The following RARB variants were observed in gnomAD, a reference collection of about 807,000 sequenced individuals.
RARB encodes the protein HBV-activated protein.
A neutral mutation model predicts 51.9 loss-of-function variants in RARB; 17 were observed. The ratio of observed to expected loss-of-function variants is 0.33; its 90% CI spans 0.22 to 0.49. The LOEUF (loss-of-function observed/expected upper bound fraction) is 0.49, where lower values mean the gene tolerates loss of function less well. RARB is among the 20% of genes least tolerant of loss of function. RARB has a pLI of 0.99. For synonymous variants in RARB, 215 were observed against 195.4 expected, an observed-to-expected ratio of 1.10 and a Z score of -0.84; for missense variants, 369 against 550.8, an observed-to-expected ratio of 0.67 and a Z score of 3.30.
At chr3:25,509,818 G>GC (rs1697799034) in intron 3 of RARB, among the ~76,000 whole-genome samples, 1 of 152,074 alleles carries the variant, frequency 6.6e-6, no homozygotes, top group Non-Finnish European at 1.5e-5. Flanking sequence ...AGACAAAGTT[G>GC]CCCTTCCCCT....
intron 3 of RARB, among the ~76,000 whole-genome samples, chr3:25,094,825 C>G (rs539015445): frequency 6.6e-6 from 1 of 151,416 alleles, no homozygotes; most frequent in African/African-American, 2.4e-5. Context: ...TTGTCTTGTG[C>G]CAAAGCTCTG....
At chr3:25,384,793 T>C (rs1249847371) in intron 5 of RARB, among the ~76,000 whole-genome samples, 1 of 152,214 alleles carries the variant, frequency 6.6e-6, no homozygotes, top group African/African-American at 2.4e-5. Flanking sequence ...TCCAACCTTC[T>C]TTATGCTTTC....
chr3:25,230,007 T>C (rs907514475), intron 5 of RARB, among the ~76,000 whole-genome samples: 5 of 152,088 alleles, frequency 3.3e-5, no homozygotes, highest in African/African-American at 1.2e-4. Context: ...TGAGTAAATA[T>C]ATTATGAATG....
chr3:25,018,060 T>C (rs1251392224), intron 2 of RARB, among the ~76,000 whole-genome samples: 5 of 152,194 alleles, frequency 3.3e-5, no homozygotes, highest in East Asian at 3.9e-4. Context: ...AAATTTGTTA[T>C]TTATAATCAC....
At chr3:25,463,521 G>T (rs1364470141) in intron 2 of RARB, among the ~76,000 whole-genome samples, 2 of 152,034 alleles carry the variant, frequency 1.3e-5, no homozygotes, top group Admixed American at 6.6e-5. Flanking sequence ...AAATTAGCTG[G>T]GTGTGGTGGC....
At chr3:25,404,998 G>A (rs1454289900) in intron 5 of RARB, among the ~76,000 whole-genome samples, 8 of 152,032 alleles carry the variant, frequency 5.3e-5, no homozygotes, top group Admixed American at 5.2e-4. Flanking sequence ...AAAGAGAAAT[G>A]CCAGGAATAT....
intron 5 of RARB, among the ~76,000 whole-genome samples, chr3:25,205,015 C>T (rs1340163374): frequency 6.6e-6 from 1 of 152,150 alleles, no homozygotes; most frequent in Non-Finnish European, 1.5e-5. Context: ...TATGCCTTGC[C>T]CCCAGAGGTG....
intron 4 of RARB, among the ~76,000 whole-genome samples, chr3:25,152,767 A>G (rs1700310930): frequency 6.6e-6 from 1 of 152,182 alleles, no homozygotes; most frequent in Non-Finnish European, 1.5e-5. Flanking sequence ...GGCAGCTGAC[A>G]TTTTATGGGA....
At chr3:25,182,903 C>T (rs975745695) in intron 5 of RARB, among the ~76,000 whole-genome samples, 3 of 152,008 alleles carry the variant, frequency 2.0e-5, no homozygotes, top group African/African-American at 4.8e-5. Flanking sequence ...GAGATAGAGA[C>T]ACATGTGAAG....
At chr3:25,304,799 A>G (rs1177833317) in intron 5 of RARB, among the ~76,000 whole-genome samples, 1 of 152,158 alleles carries the variant, frequency 6.6e-6, no homozygotes, top group Non-Finnish European at 1.5e-5. Flanking sequence ...GTCCCTCCCT[A>G]TTCAAAGCTC....
At chr3:25,236,719 A>T (rs1227959654) in intron 5 of RARB, among the ~76,000 whole-genome samples, 2 of 152,074 alleles carry the variant, frequency 1.3e-5, no homozygotes, top group Admixed American at 1.3e-4. Flanking sequence ...GCTGCTGTTT[A>T]TTTAGCATTT....
chr3:25,182,638 A>G (rs1700885040), intron 5 of RARB, among the ~76,000 whole-genome samples: 1 of 152,202 alleles, frequency 6.6e-6, no homozygotes, highest in East Asian at 1.9e-4. Context: ...GGGTAAATCC[A>G]TGAGAATGAT....
At chr3:25,296,335 AC>A (rs1435611082) in intron 5 of RARB, among the ~76,000 whole-genome samples, 1 of 152,148 alleles carries the variant, frequency 6.6e-6, no homozygotes, top group African/African-American at 2.4e-5. Flanking sequence ...GGAAGTTCCT[AC>A]TTAGAGGAAA....
At position 25,275,155 on chromosome 3, in the gene RARB, C is replaced by T. The variant is rs143601760; in HGVS notation, c.178+100580C>T. Reference sequence around the variant, plus strand: ...GACCACATCATACCCACAGACTCTCCGTGAGCACCTCTTAACCCAAGTCTG... The same window carrying T: ...GACCACATCATACCCACAGACTCTCTGTGAGCACCTCTTAACCCAAGTCTG... On this transcript the variant is annotated intron_variant, in intron 5 of 11. Coordinates refer to the RARB transcript ENST00000383772. 1.5e-4 allele frequency among the ~76,000 whole-genome samples: 23 copies of T among 152,286 alleles called. No individual in the cohort carries two copies. The East Asian group carries it at 3.7e-3, about 24-fold the overall frequency.
intron 5 of RARB, among the ~76,000 whole-genome samples, chr3:25,313,244 C>T (rs1180921686): frequency 6.6e-6 from 1 of 152,104 alleles, no homozygotes; most frequent in Non-Finnish European, 1.5e-5. Flanking sequence ...CTGGCTACTC[C>T]AATCAAATGT....
intron 2 of RARB, among the ~76,000 whole-genome samples, chr3:24,907,089 G>A (rs532415104): frequency 6.6e-5 from 10 of 152,170 alleles, no homozygotes; most frequent in African/African-American, 2.4e-4. Flanking sequence ...TATTTATGGA[G>A]CACCCCCCAT....
At chr3:25,051,485 G>C (rs1223097926) in intron 2 of RARB, among the ~76,000 whole-genome samples, 1 of 151,956 alleles carries the variant, frequency 6.6e-6, no homozygotes, top group South Asian at 2.1e-4. Flanking sequence ...ATAGAAGAGA[G>C]GAGAATAAGA....
At chr3:24,864,019 G>A (rs1702804089) in intron 2 of RARB, among the ~76,000 whole-genome samples, 1 of 152,048 alleles carries the variant, frequency 6.6e-6, no homozygotes, top group African/African-American at 2.4e-5. Flanking sequence ...TTTTCAATCT[G>A]TCTCTGCCCA....
At chr3:25,090,831 C>T (rs762621070) in intron 3 of RARB, among the ~76,000 whole-genome samples, 20 of 152,086 alleles carry the variant, frequency 1.3e-4, no homozygotes, top group South Asian at 2.1e-4. Context: ...TCACAACAAC[C>T]GTCTCTTGTT....
Sources: allele counts gnomAD v4.1 joint callset (sites outside exome capture counted in the v4.1 genomes callset), GRCh38; gene constraint gnomAD v4.1.1; transcripts MANE v1.5; gene names NCBI Gene and HGNC (gene_info 2026-07-23, HGNC 2026-07-21).